Variants in RPS24 observed in about 807,000 individuals in gnomAD.
The protein encoded by RPS24 is ribosomal protein S24.
For missense variants in RPS24, 100 were observed against 162.5 expected (o/e 0.62, Z 2.09); for synonymous variants, 72 against 55.6 (o/e 1.30, Z -1.31).
intron 1 of RPS24, among the ~76,000 whole-genome samples, chr10:78,034,856 G>A (rs1163168312): frequency 1.3e-5 from 2 of 152,222 alleles, no homozygotes; most frequent in Non-Finnish European, 2.9e-5. Context: ...ATGAGCCACA[G>A]CAGTTTTTAC....
At chr10:78,039,971 G>A (rs868741883) in intron 4 of RPS24, 1 of 604,978 alleles carries the variant, frequency 1.7e-6, no homozygotes, top group East Asian at 3.0e-5. Flanking sequence ...CGGCTACCTC[G>A]TTTGCATAAG....
chr10:78,052,209 A>G (rs1286850726), intron 4 of RPS24, among the ~76,000 whole-genome samples: 2 of 152,002 alleles, frequency 1.3e-5, no homozygotes, highest in African/African-American at 4.8e-5. Context: ...TATTTTTAGT[A>G]GAGACGGGGT....
At chr10:78,044,209 G>A (rs563758741), downstream of RPS24, among the ~76,000 whole-genome samples, 83 of 152,326 alleles carry the variant, frequency 5.4e-4, no homozygotes, top group Non-Finnish European at 7.2e-4. Context: ...AACACCAGCA[G>A]TGGCAAGAGA....
Position 78,040,214 on chromosome 10 carries a change from A to AT in RPS24, c.*10dup. 1 of 1,613,362 alleles carries AT rather than the reference A, an allele frequency of 6.2e-7. No individual in the cohort carries two copies. Among genetic ancestry groups the AT allele is most frequent in the Non-Finnish European group, 8.5e-7 (1 of 1,179,512 alleles). On this transcript the variant is annotated 3_prime_UTR_variant, in exon 5 of 6. Coordinates refer to ENST00000372360, the MANE Select transcript of RPS24 (RefSeq NM_033022.4). ...CCGCCACTGATTCAGTGAGCTGGAGATTGGATCACAGGTATAATTCAAGCT... is the reference window on the plus strand; with the variant it reads ...CCGCCACTGATTCAGTGAGCTGGAGATTTGGATCACAGGTATAATTCAAGCT...
intron 3 of RPS24, 147 bp from the exon 4 acceptor site, chr10:78,037,047 G>A: frequency 1.1e-6 from 1 of 907,976 alleles, no homozygotes; most frequent in Non-Finnish European, 1.7e-6. Context: ...TTCTGTTCCA[G>A]CAAAAACATG....
downstream of RPS24, among the ~76,000 whole-genome samples, chr10:78,042,607 T>C (rs1440606715): frequency 2.0e-5 from 3 of 152,166 alleles, no homozygotes; most frequent in Non-Finnish European, 4.4e-5. Context: ...CTCCATAAAA[T>C]GCAAACTTGA....
chr10:78,040,679 T>G lies in RPS24; in HGVS notation c.*84T>G, dbSNP rs940477135. On this transcript the variant is annotated 3_prime_UTR_variant, in exon 6 of 6. Transcript: ENST00000372360. ...CACTGTGGATTTTTCGCAAGAACAT[T>G]AATAAACTAAAAACTTCATGTGTCT... 9.3e-6 allele frequency: 15 copies of G among 1,613,754 alleles called. No individual in the cohort carries two copies. Among genetic ancestry groups the G allele is most frequent in the Non-Finnish European group, 1.3e-5 (15 of 1,179,626 alleles).
downstream of RPS24, among the ~76,000 whole-genome samples, chr10:78,041,706 C>CCTGA (rs1178499260): frequency 6.6e-6 from 1 of 152,036 alleles, no homozygotes; most frequent in Non-Finnish European, 1.5e-5. Context: ...TGGTGAGGAT[C>CCTGA]CTGACAGTGC....
At chr10:78,048,219 T>C (rs538348414) in intron 4 of RPS24, among the ~76,000 whole-genome samples, 1 of 152,336 alleles carries the variant, frequency 6.6e-6, no homozygotes, top group South Asian at 2.1e-4. Flanking sequence ...TCAAACAAGA[T>C]TTTTTAAAAA....
chr10:78,036,090 T>G (rs1325653425), intron 3 of RPS24: 3 of 341,298 alleles, frequency 8.8e-6, no homozygotes, highest in Non-Finnish European at 1.7e-5. Flanking sequence ...CAGGAAAAGT[T>G]TTTGATTGTA....
chr10:78,041,486 T>A (rs757529139), downstream of RPS24, among the ~76,000 whole-genome samples: 6 of 152,196 alleles, frequency 3.9e-5, no homozygotes, highest in African/African-American at 1.4e-4. Flanking sequence ...TGCTACTACT[T>A]TGCTAGGACC....
chr10:78,043,380 C>T (rs1251916689), downstream of RPS24, among the ~76,000 whole-genome samples: 1 of 152,136 alleles, frequency 6.6e-6, no homozygotes, highest in East Asian at 1.9e-4. Flanking sequence ...AAGCATCTTA[C>T]CAGTGTCTCA....
At chr10:78,048,417 A>C (rs1041625484) in intron 4 of RPS24, among the ~76,000 whole-genome samples, 5 of 152,006 alleles carry the variant, frequency 3.3e-5, no homozygotes, top group Non-Finnish European at 5.9e-5. Context: ...ACTCTCGGTG[A>C]CTGCTCACCC....
At chr10:78,034,808 C>G (rs1847825649) in intron 1 of RPS24, among the ~76,000 whole-genome samples, 3 of 152,184 alleles carry the variant, frequency 2.0e-5, no homozygotes, top group African/African-American at 4.8e-5. Flanking sequence ...CACATTTGTG[C>G]AAGACATGAT....
chr10:78,035,903 C>T, intron 3 of RPS24, 183 bp downstream of exon 3: 1 of 622,298 alleles, frequency 1.6e-6, no homozygotes, highest in Non-Finnish European at 2.9e-6. Flanking sequence ...TGAAGTCTGA[C>T]ATTTGAGCTG....
downstream of RPS24, among the ~76,000 whole-genome samples, chr10:78,041,720 A>AGGGAT (rs143873511): frequency 0.017 from 2,601 of 152,042 alleles, 45 homozygotes; most frequent in Admixed American, 0.041. Context: ...ACAGTGCTGC[A>AGGGAT]GGGATGGGAT....
chr10:78,055,320 TTTATTG>T (rs140313250), exon 5 of RPS24: 3 of 301,620 alleles, frequency 9.9e-6, no homozygotes, highest in African/African-American at 6.5e-5. Flanking sequence ...TATTTTCTTG[TTTATTG>T]GTATTTTCCC....
chr10:78,041,287 T>A (rs1408747523), downstream of RPS24, among the ~76,000 whole-genome samples: 1 of 152,046 alleles, frequency 6.6e-6, no homozygotes, highest in Non-Finnish European at 1.5e-5. Context: ...GTGGAATGTT[T>A]TGGAGAAAAG....
At chr10:78,053,301 A>G (rs985071727) in intron 4 of RPS24, among the ~76,000 whole-genome samples, 1 of 151,720 alleles carries the variant, frequency 6.6e-6, no homozygotes, top group African/African-American at 2.4e-5. Flanking sequence ...GCTGCTTTCT[A>G]GGTGAGGTGG....
Sources: gnomAD v4.1 joint callset for allele counts (sites outside exome capture counted in the v4.1 genomes callset) on GRCh38, gnomAD v4.1.1 for gene constraint, MANE v1.5 for transcripts, NCBI Gene and HGNC (gene_info 2026-07-23, HGNC 2026-07-21) for gene names.